GABRB1: variants seen among roughly 807,000 people sequenced by gnomAD.
GABRB1 encodes the protein gamma-aminobutyric acid type A receptor subunit beta1.
A neutral mutation model predicts 51.6 loss-of-function variants in GABRB1; 17 were observed. The ratio of observed to expected loss-of-function variants is 0.33; its 90% confidence interval spans 0.23 to 0.49. The LOEUF is 0.49. Among genes scored for constraint, GABRB1 ranks in the 20% least tolerant of loss-of-function variants. The pLI is 0.99. For missense variants in GABRB1, 410 were observed against 600.6 expected (o/e 0.68, Z 3.32); for synonymous variants, 247 against 218.9 (o/e 1.13, Z -1.14).
intron 8 of GABRB1, among the ~76,000 whole-genome samples, chr4:47,417,659 C>T (rs976729725): frequency 6.6e-6 from 1 of 152,158 alleles, no homozygotes; most frequent in African/African-American, 2.4e-5. Context: ...GTGTAGGCTT[C>T]TTGAGGACAG....
chr4:47,031,711 C>G lies in GABRB1; in HGVS notation c.60C>G (p.Thr20=). Residue 20 remains threonine (T), a synonymous_variant, in exon 1 of 9, where the codon ACC becomes ACG. Coordinates refer to ENST00000295454, the MANE Select transcript of GABRB1 (RefSeq NM_000812.4). ...LGLLSFPVMI[T]MVCCAHSTNE... is the part of the protein sequence containing the mutation. ...TTCTCTCTTTCCCTGTGATGATTAC[C>G]ATGGTCTGTTGTGCACACAGGTGAG... The G allele has an allele frequency of 6.2e-7, 1 of 1,613,594 alleles. No homozygotes were observed. The highest frequency in any genetic ancestry group is 8.5e-7 in the Non-Finnish European group (1 of 1,179,538).
intron 3 of GABRB1, among the ~76,000 whole-genome samples, chr4:47,069,044 G>T (rs1215069983): frequency 2.0e-5 from 3 of 152,028 alleles, no homozygotes; most frequent in Non-Finnish European, 4.4e-5. Context: ...TCTAAATTTT[G>T]CCTTCTTTCC....
chr4:47,077,953 A>ATAT (rs1727641714), intron 3 of GABRB1, among the ~76,000 whole-genome samples: 1 of 94,646 alleles, frequency 1.1e-5, no homozygotes, highest in African/African-American at 3.9e-5. Context: ...TATATATTAT[A>ATAT]TATTTTATAT....
intron 4 of GABRB1, among the ~76,000 whole-genome samples, chr4:47,162,902 C>A (rs1388998376): frequency 6.6e-6 from 1 of 152,048 alleles, no homozygotes; most frequent in Admixed American, 6.6e-5. Context: ...ATGCCCTACT[C>A]TTTTTTCTGG....
intron 4 of GABRB1, among the ~76,000 whole-genome samples, chr4:47,166,242 G>GT (rs1420487493): frequency 1.3e-5 from 2 of 151,956 alleles, no homozygotes; most frequent in Admixed American, 1.3e-4. Context: ...GATGAACTGC[G>GT]TAAGTCCATT....
intron 4 of GABRB1, among the ~76,000 whole-genome samples, chr4:47,304,483 T>G (rs2109942734): frequency 6.6e-6 from 1 of 152,218 alleles, no homozygotes; most frequent in Admixed American, 6.6e-5. Context: ...TTGGGTTACT[T>G]GTTTTCTTGC....
intron 4 of GABRB1, among the ~76,000 whole-genome samples, chr4:47,297,666 T>A (rs1724058896): frequency 6.6e-6 from 1 of 152,178 alleles, no homozygotes; most frequent in Non-Finnish European, 1.5e-5. Flanking sequence ...CACAGCCAAA[T>A]TCTGCCAAAG....
intron 4 of GABRB1, among the ~76,000 whole-genome samples, chr4:47,191,939 C>T (rs1719455525): frequency 6.6e-6 from 1 of 152,118 alleles, no homozygotes; most frequent in African/African-American, 2.4e-5. Flanking sequence ...ACATAGAATA[C>T]TGATTCACAA....
At chr4:47,098,356 G>A (rs1714557323) in intron 3 of GABRB1, among the ~76,000 whole-genome samples, 1 of 152,106 alleles carries the variant, frequency 6.6e-6, no homozygotes, top group South Asian at 2.1e-4. Flanking sequence ...AGTTTAAAGA[G>A]CTCATAACTG....
At chr4:46,999,216 G>A in intron 1 of GABRB1, among the ~76,000 whole-genome samples, 1 of 152,078 alleles carries the variant, frequency 6.6e-6, no homozygotes, top group East Asian at 1.9e-4. Flanking sequence ...TCATTTGATG[G>A]CCATTTAAAC....
At chr4:47,216,651 A>T (rs1388575679) in intron 4 of GABRB1, among the ~76,000 whole-genome samples, 2 of 151,954 alleles carry the variant, frequency 1.3e-5, no homozygotes, top group African/African-American at 4.8e-5. Flanking sequence ...TAGTCGTATG[A>T]TAAGGTCAAC....
intron 3 of GABRB1, among the ~76,000 whole-genome samples, chr4:47,067,877 C>T (rs1487672816): frequency 6.6e-6 from 1 of 152,080 alleles, no homozygotes; most frequent in Non-Finnish European, 1.5e-5. Flanking sequence ...GCTCTCCCTC[C>T]CCTTAACCCC....
At chr4:47,318,468 C>G (rs535653104) in intron 4 of GABRB1, among the ~76,000 whole-genome samples, 1 of 152,102 alleles carries the variant, frequency 6.6e-6, no homozygotes, top group African/African-American at 2.4e-5. Flanking sequence ...ACAAAACCAG[C>G]CTTCTGTGAC....
At chr4:47,287,186 G>A (rs544306999) in intron 4 of GABRB1, among the ~76,000 whole-genome samples, 2 of 152,302 alleles carry the variant, frequency 1.3e-5, no homozygotes, top group Non-Finnish European at 2.9e-5. Context: ...TTCAGGTGCT[G>A]AGGTTCTTAT....
chr4:47,212,414 C>T (rs576117501), intron 4 of GABRB1, among the ~76,000 whole-genome samples: 4 of 152,232 alleles, frequency 2.6e-5, no homozygotes, highest in East Asian at 1.9e-4. Context: ...TGGTGGCTCA[C>T]GCCTGTAATC....
At chr4:47,353,534 T>C (rs990500452) in intron 5 of GABRB1, among the ~76,000 whole-genome samples, 1 of 152,154 alleles carries the variant, frequency 6.6e-6, no homozygotes, top group South Asian at 2.1e-4. Flanking sequence ...CCCACCTTTA[T>C]AGGCGAAGTG....
upstream of GABRB1, among the ~76,000 whole-genome samples, chr4:47,029,174 A>C (rs1161602756): frequency 6.6e-6 from 1 of 151,964 alleles, no homozygotes; most frequent in Non-Finnish European, 1.5e-5. Context: ...GCATGAGTTT[A>C]TCACTAGGGT....
intron 3 of GABRB1, among the ~76,000 whole-genome samples, chr4:47,037,354 C>T (rs1202939648): frequency 6.6e-6 from 1 of 152,054 alleles, no homozygotes; most frequent in Non-Finnish European, 1.5e-5. Flanking sequence ...AGGTGAGTAC[C>T]ACTTAAAAGC....
intron 4 of GABRB1, among the ~76,000 whole-genome samples, chr4:47,293,671 T>C (rs1723848391): frequency 6.6e-6 from 1 of 152,244 alleles, no homozygotes; most frequent in African/African-American, 2.4e-5. Context: ...ACAGTGTAAA[T>C]GAATCCAAGA....
Sources: allele counts gnomAD v4.1 joint callset (sites outside exome capture counted in the v4.1 genomes callset), GRCh38; gene constraint gnomAD v4.1.1; transcripts MANE v1.5; gene names NCBI Gene and HGNC (gene_info 2026-07-23, HGNC 2026-07-21).